Variants in C1D observed in about 807,000 individuals in gnomAD.
The protein encoded by C1D is C1D nuclear receptor corepressor, also known as nuclear nucleic acid-binding protein C1D.
A neutral mutation model predicts 17.5 loss-of-function variants in C1D; 10 were observed. That is an observed-to-expected ratio of 0.57 (90% CI 0.35 to 0.97). The LOEUF (loss-of-function observed/expected upper bound fraction) is 0.97. Ranked by LOEUF, C1D falls within the 50% of genes least tolerant of loss-of-function variation. The pLI is 0.01. For synonymous variants in C1D, 49 were observed against 54.0 expected (o/e 0.91, Z 0.40); for missense variants, 136 against 160.1 (o/e 0.85, Z 0.81).
At chr2:68,054,389 C>G (rs1209350096) in intron 1 of C1D, among the ~76,000 whole-genome samples, 1 of 152,142 alleles carries the variant, frequency 6.6e-6, no homozygotes, top group Non-Finnish European at 1.5e-5. Context: ...TTACATAGGG[C>G]AGGCTATGAA....
intron 1 of C1D, among the ~76,000 whole-genome samples, chr2:68,048,076 CAA>C (rs1671182578): frequency 6.6e-6 from 1 of 151,582 alleles, no homozygotes. Flanking sequence ...ATAAGAAATC[CAA>C]AGAGTCTATA....
chr2:68,053,162 A>G, intron 1 of C1D: 1 of 1,550,532 alleles, frequency 6.4e-7, no homozygotes, highest in South Asian at 1.2e-5. Context: ...ACAGACGGAG[A>G]GGGCATGAGA....
At position 68,042,098 on chromosome 2, in the gene C1D, A is replaced by C. The variant is rs1440888623; in HGVS notation, c.*791T>G. On this transcript the variant is annotated 3_prime_UTR_variant, in exon 5 of 5. Coordinates refer to ENST00000410067, the MANE Select transcript of C1D (RefSeq NM_173177.3). ...ATGAAAAGAACTGTGGACACCATGC[A>C]TCAGGAACAAAAACTCAAGAATTTC... 1 of 152,096 alleles carries C rather than the reference A, an allele frequency of 6.6e-6. No individual in the cohort carries two copies. The highest frequency in any genetic ancestry group is 6.5e-5 in the Admixed American group (1 of 15,278). 9.4% of individuals were successfully genotyped at this position (152,096 alleles called of 1,614,324 possible). A position where few individuals can be genotyped will look rare whatever the true frequency, so the allele number is the denominator to read the frequency against.
In C1D at chr2:68,042,799, A is replaced by C; in HGVS notation, c.*90T>G. On this transcript the variant is annotated 3_prime_UTR_variant, in exon 5 of 5. Coordinates refer to ENST00000410067, the MANE Select transcript of C1D (RefSeq NM_173177.3). ...TTACATATTAATAAGAAACACATTT[A>C]AACCTTGCCCTGCCACAGAATTATT... 1 of 620,530 alleles carries C rather than the reference A, an allele frequency of 1.6e-6. No homozygotes were observed. The highest frequency in any genetic ancestry group is 2.2e-5 in the African/African-American group (1 of 46,282). The allele number at this position is 620,530 out of a possible 1,614,324, so 38.4% of individuals were successfully genotyped here. A position where few individuals can be genotyped will look rare whatever the true frequency, so the allele number is the denominator to read the frequency against.
intron 4 of C1D, among the ~76,000 whole-genome samples, chr2:68,043,463 C>G (rs905257339): frequency 5.3e-5 from 8 of 152,112 alleles, no homozygotes; most frequent in Non-Finnish European, 1.2e-4. Context: ...AAACTAAATT[C>G]TCCTGAAATT....
intron 1 of C1D, among the ~76,000 whole-genome samples, chr2:68,055,937 G>C (rs1671427944): frequency 6.6e-6 from 1 of 152,190 alleles, no homozygotes; most frequent in Non-Finnish European, 1.5e-5. Context: ...GTGTCGTCTA[G>C]AATATTTAAG....
At chr2:68,046,640 T>C (rs1671130288) in intron 2 of C1D, 1 of 460,360 alleles carries the variant, frequency 2.2e-6, no homozygotes, top group South Asian at 3.5e-5. Flanking sequence ...GTATCATCTT[T>C]AGTTAGACAA....
intron 1 of C1D, among the ~76,000 whole-genome samples, chr2:68,057,390 C>T (rs1241016069): frequency 6.6e-6 from 1 of 151,956 alleles, no homozygotes; most frequent in Non-Finnish European, 1.5e-5. Context: ...CTCCTGATCT[C>T]AGGTGATCTG....
At chr2:68,054,699 C>T (rs940700112) in intron 1 of C1D, among the ~76,000 whole-genome samples, 4 of 152,012 alleles carry the variant, frequency 2.6e-5, no homozygotes, top group African/African-American at 9.7e-5. Context: ...CCATGGCTCA[C>T]ATCTGTAATT....
Position 68,056,533 on chromosome 2 carries a change from AAC to A in C1D, c.-10+6423_-10+6424del, listed in dbSNP as rs201818349. Among the ~76,000 whole-genome samples the A allele has an allele frequency of 4.1e-3, 631 of 152,324 alleles. 9 individuals are homozygous for A. Among genetic ancestry groups the A allele is most frequent in the African/African-American group, 0.014 (589 of 41,582 alleles). On this transcript the variant is annotated intron_variant, in intron 1 of 4. Coordinates refer to ENST00000410067, the MANE Select transcript of C1D (RefSeq NM_173177.3). ...TAAAAAACTAAAAAAAGACATATGC[AAC>A]ACAAAGATTTTTTTAAAGCCTCTAT...
chr2:68,048,137 A>C (rs1356331342), intron 1 of C1D, among the ~76,000 whole-genome samples: 2 of 152,182 alleles, frequency 1.3e-5, no homozygotes, highest in African/African-American at 2.4e-5. Flanking sequence ...GGGGAAATAA[A>C]CAATATGGTT....
chr2:68,043,116 A>G, intron 4 of C1D, 63 bp from the exon 5 acceptor site: 2 of 1,243,966 alleles, frequency 1.6e-6, no homozygotes, highest in Non-Finnish European at 2.3e-6. Context: ...GAATTTTATT[A>G]TACTGTACAC....
chr2:68,049,131 A>C (rs948477425), intron 1 of C1D, among the ~76,000 whole-genome samples: 2 of 150,594 alleles, frequency 1.3e-5, no homozygotes, highest in Admixed American at 1.3e-4. Context: ...TGGGAGGTGG[A>C]GGTTGCAGTG....
intron 4 of C1D, among the ~76,000 whole-genome samples, chr2:68,043,269 T>C (rs1310442763): frequency 1.3e-5 from 2 of 152,160 alleles, no homozygotes; most frequent in Non-Finnish European, 2.9e-5. Flanking sequence ...TAAAAAGTCA[T>C]TTCAGAAGTC....
At chr2:68,043,117 T>A (rs1417321822) in intron 4 of C1D, 64 bp from the exon 5 acceptor site, 2 of 1,236,342 alleles carry the variant, frequency 1.6e-6, no homozygotes, top group Admixed American at 2.4e-5. Flanking sequence ...AATTTTATTA[T>A]ACTGTACACC....
At chr2:68,050,190 T>A (rs182512696) in intron 1 of C1D, among the ~76,000 whole-genome samples, 4 of 152,112 alleles carry the variant, frequency 2.6e-5, no homozygotes, top group African/African-American at 9.7e-5. Flanking sequence ...TAAAATGTCC[T>A]CCTCAAACTT....
chr2:68,056,200 G>A (rs963254747), intron 1 of C1D, among the ~76,000 whole-genome samples: 2 of 152,076 alleles, frequency 1.3e-5, no homozygotes, highest in African/African-American at 2.4e-5. Flanking sequence ...TCAGCTCAAC[G>A]CAACCTCTGC....
intron 1 of C1D, among the ~76,000 whole-genome samples, chr2:68,058,602 C>A (rs145447407): frequency 6.6e-6 from 1 of 152,140 alleles, no homozygotes; most frequent in South Asian, 2.1e-4. Context: ...GAACTCAAAT[C>A]GAATGGAGGA....
intron 1 of C1D, among the ~76,000 whole-genome samples, chr2:68,059,527 G>T (rs1194307546): frequency 6.6e-6 from 1 of 152,100 alleles, no homozygotes; most frequent in Non-Finnish European, 1.5e-5. Context: ...GAATATAACT[G>T]TAATACAGTT....
Sources: gnomAD v4.1 joint callset for allele counts (sites outside exome capture counted in the v4.1 genomes callset) on GRCh38, gnomAD v4.1.1 for gene constraint, MANE v1.5 for transcripts, NCBI Gene and HGNC (gene_info 2026-07-23, HGNC 2026-07-21) for gene names.